Variants in FOXL3 observed in about 807,000 individuals in gnomAD.
FOXL3 encodes forkhead box protein L3.
In FOXL3, 16 loss-of-function variants were observed where a neutral mutation model predicts 10.9. The ratio of observed to expected loss-of-function variants is 1.46; its 90% confidence interval spans 0.99 to 2.22. FOXL3 has a LOEUF of 2.22. FOXL3 is among the 30% of genes most tolerant of loss of function. The probability of loss-of-function intolerance (pLI) is 0.00; values close to 1 mark genes in which losing one functional copy is unlikely to be tolerated. For missense variants in FOXL3, 400 were observed against 337.9 expected (o/e 1.18, Z -1.44); for synonymous variants, 170 against 152.0 (o/e 1.12, Z -0.87).
Position 290,700 on chromosome 7 carries a change from G to A in FOXL3, c.155G>A (p.Arg52Lys). ...AMAIQQSPAG[R>K]VTLSGIYDFI... The stretch of plus-strand genomic sequence containing the variant: ...GCCATTCAGCAGAGCCCCGCGGGGA[G>A]GGTGACCCTGTCCGGCATCTACGAC... The change falls in exon 2 of 3, where the codon AGG (arginine) becomes AAG (lysine). Residue 52 changes from arginine (R) to lysine (K), a missense_variant. Physicochemically the swap from Arg to Lys is conservative, Grantham distance 26. Coordinates refer to ENST00000506382, the MANE Select transcript of FOXL3 (RefSeq NM_001374838.1). 6.8e-7 allele frequency: 1 copy of A among 1,467,264 alleles called. No homozygotes were observed. The highest frequency in any genetic ancestry group is 9.0e-7 in the Non-Finnish European group (1 of 1,115,852). The allele number at this position is 1,467,264 out of a possible 1,614,324, so 90.9% of individuals were successfully genotyped here. A position where few individuals can be genotyped will look rare whatever the true frequency, so the allele number is the denominator to read the frequency against.
rs1244858981 is a variant in FOXL3, at chr7:291,097, G to A, written c.311G>A (p.Gly104Asp). 7.0e-7 allele frequency: 1 copy of A among 1,422,464 alleles called. No homozygotes were observed. The highest frequency in any genetic ancestry group is 1.5e-5 in the African/African-American group (1 of 66,514). 88.1% of individuals were successfully genotyped at this position (1,422,464 alleles called of 1,614,324 possible). The change falls in exon 3 of 3, where the codon GGC (glycine) becomes GAC (aspartate). Residue 104 changes from glycine to aspartate, a missense_variant. Transcript: ENST00000506382. ...PRSEGHEKGK[G>D]NYWTFAGGCE... is the part of the protein sequence containing the mutation. ...TCCGAGGGCCACGAGAAGGGCAAAG[G>A]CAACTACTGGACGTTCGCGGGCGGC...
chr7:290,690 C>G lies in FOXL3; in HGVS notation c.145C>G (p.Pro49Ala). The G allele has an allele frequency of 6.9e-7, 1 of 1,448,648 alleles. No individual in the cohort carries two copies. Among genetic ancestry groups the G allele is most frequent in the Non-Finnish European group, 9.0e-7 (1 of 1,106,348 alleles). 89.7% of individuals were successfully genotyped at this position (1,448,648 alleles called of 1,614,324 possible). A position where few individuals can be genotyped will look rare whatever the true frequency, so the allele number is the denominator to read the frequency against. The change falls in exon 2 of 3, where the codon CCC (proline) becomes GCC (alanine). Residue 49 changes from proline (P) to alanine (A), a missense_variant. Transcript: ENST00000506382. ...ALIAMAIQQS[P>A]AGRVTLSGIY... is the part of the protein sequence containing the mutation. ...GATCGCCATGGCCATTCAGCAGAGCCCCGCGGGGAGGGTGACCCTGTCCGG... is the reference window on the plus strand; with the variant it reads ...GATCGCCATGGCCATTCAGCAGAGCGCCGCGGGGAGGGTGACCCTGTCCGG...
rs1357306688 is a variant in FOXL3 at position 290,971 on chromosome 7, C to G, written c.277-92C>G. On this transcript the variant is annotated intron_variant, in intron 2 of 2. Transcript: ENST00000506382. ...CGCCTCCACCTGCGCAGTGCGCCAC[C>G]CTCGCCCCGGTCCAGGGCGCCCCGA... 4.7e-6 allele frequency: 6 copies of G among 1,281,428 alleles called. No homozygotes were observed. In the East Asian group the frequency reaches 1.6e-4, roughly 34 times the overall value. 79.4% of individuals were successfully genotyped at this position (1,281,428 alleles called of 1,614,324 possible). A position where few individuals can be genotyped will look rare whatever the true frequency, so the allele number is the denominator to read the frequency against.
chr7:290,827 C>T lies in FOXL3; in HGVS notation c.276+6C>T. On this transcript the variant is annotated splice_donor_region_variant and intron_variant, in intron 2 of 2. Transcript: ENST00000506382. ...TCAACAGCTGCTTCGTCAAGGTGAG[C>T]GCCGCCCCCGACGGGCCCCGGGTGT... 5 of 1,432,042 alleles carry T rather than the reference C, an allele frequency of 3.5e-6. No individual in the cohort carries two copies. Among genetic ancestry groups the T allele is most frequent in the East Asian group, 2.8e-5 (1 of 35,300 alleles). 88.7% of individuals were successfully genotyped at this position (1,432,042 alleles called of 1,614,324 possible).
intron 2 of FOXL3, 101 bp downstream of exon 2, chr7:290,922 A>G: frequency 3.1e-6 from 4 of 1,290,430 alleles, no homozygotes; most frequent in Non-Finnish European, 3.9e-6. Flanking sequence ...GGCTTCAGGG[A>G]GGTCCGTCCT....
intron 2 of FOXL3, 102 bp downstream of exon 2, chr7:290,923 G>T: frequency 7.7e-7 from 1 of 1,299,098 alleles, no homozygotes; most frequent in Non-Finnish European, 9.8e-7. Context: ...GCTTCAGGGA[G>T]GTCCGTCCTC....
At position 290,280 on chromosome 7, in the gene FOXL3, A is replaced by T; in HGVS notation, c.107+4A>T. The T allele has an allele frequency of 6.5e-7, 1 of 1,534,548 alleles. No individual in the cohort carries two copies. The highest frequency in any genetic ancestry group is 8.7e-7 in the Non-Finnish European group (1 of 1,145,618). Reference sequence around the variant, plus strand: ...GGCTCACGCGGCCCGCGTACAGGTGACTGCGGGGGCGGTGCTGGGGCTTTG... The same window carrying T: ...GGCTCACGCGGCCCGCGTACAGGTGTCTGCGGGGGCGGTGCTGGGGCTTTG... On this transcript the variant is annotated splice_donor_region_variant and intron_variant, in intron 1 of 2. Coordinates refer to ENST00000506382, the MANE Select transcript of FOXL3 (RefSeq NM_001374838.1).
In FOXL3 at chr7:291,423, T is replaced by G; in HGVS notation, c.637T>G (p.Cys213Gly). ...CCCCTTCCCTGGGCTCAAGCCGCCC[T>G]GCCTCGCACAAGAGGGCAGATACCC... Reference protein sequence around the residue: ...PDPFPGLKPPCLAQEGRYPRL... With the variant: ...PDPFPGLKPPGLAQEGRYPRL... Residue 213 changes from cysteine (C) to glycine (G), a missense_variant, in exon 3 of 3, where the codon TGC becomes GGC. Physicochemically the swap from Cys to Gly is radical, Grantham distance 159. Transcript: ENST00000506382. 7.9e-7 allele frequency: 1 copy of G among 1,258,082 alleles called. No individual in the cohort carries two copies. The highest frequency in any genetic ancestry group is 1.0e-6 in the Non-Finnish European group (1 of 1,000,732). The allele number at this position is 1,258,082 out of a possible 1,614,324, so 77.9% of individuals were successfully genotyped here.
At position 290,768 on chromosome 7, in the gene FOXL3, G is replaced by T. The variant is rs949314457; in HGVS notation, c.223G>T (p.Ala75Ser). 5 of 1,491,984 alleles carry T rather than the reference G, an allele frequency of 3.4e-6. No homozygotes were observed. Among genetic ancestry groups the T allele is most frequent in the East Asian group, 2.7e-5 (1 of 37,502 alleles). 92.4% of individuals were successfully genotyped at this position (1,491,984 alleles called of 1,614,324 possible). ...KFPYYRANQRAWQNSIRHNLS... is the reference protein window; with the variant it reads ...KFPYYRANQRSWQNSIRHNLS... Reference sequence around the variant, plus strand: ...CCCCTATTACCGCGCCAACCAGCGCGCCTGGCAGAACTCCATCCGCCACAA... The same window carrying T: ...CCCCTATTACCGCGCCAACCAGCGCTCCTGGCAGAACTCCATCCGCCACAA... The change falls in exon 2 of 3, where the codon GCC becomes TCC. Residue 75 changes from alanine (A) to serine (S), a missense_variant. Ala to Ser is a moderately conservative substitution (Grantham distance 99, BLOSUM62 1). Coordinates refer to ENST00000506382, the MANE Select transcript of FOXL3 (RefSeq NM_001374838.1).
At position 291,278 on chromosome 7, in the gene FOXL3, C is replaced by T. The variant is rs1471345445; in HGVS notation, c.492C>T (p.Ala164=). 3 of 1,214,646 alleles carry T rather than the reference C, an allele frequency of 2.5e-6. No homozygotes were observed. Among genetic ancestry groups the T allele is most frequent in the Middle Eastern group, 2.3e-4 (1 of 4,396 alleles). The allele number at this position is 1,214,646 out of a possible 1,614,324, so 75.2% of individuals were successfully genotyped here. A position where few individuals can be genotyped will look rare whatever the true frequency, so the allele number is the denominator to read the frequency against. Residue 164 remains alanine (A), a synonymous_variant, in exon 3 of 3, where the codon GCC becomes GCT. Coordinates refer to ENST00000506382, the MANE Select transcript of FOXL3 (RefSeq NM_001374838.1). ...CGCCCGCCGCTCAGGGGCGCCTGGC[C>T]CCGGACAGCGCTGGCGAGGGCGCCC... ...SEPPAAQGRL[A]PDSAGEGAPG...
At position 290,203 on chromosome 7, in the gene FOXL3, T is replaced by G; in HGVS notation, c.34T>G (p.Phe12Val). ...FDSSQYPYNC[F>V]NYDADDYPAG... Reference sequence around the variant, plus strand: ...CAGCTCGCAGTATCCCTACAACTGCTTCAATTACGACGCCGACGACTACCC... The same window carrying G: ...CAGCTCGCAGTATCCCTACAACTGCGTCAATTACGACGCCGACGACTACCC... Residue 12 changes from phenylalanine to valine, a missense_variant, in exon 1 of 3, where the codon TTC (phenylalanine) becomes GTC (valine). Transcript: ENST00000506382. The G allele has an allele frequency of 6.5e-7, 1 of 1,535,918 alleles. No individual in the cohort carries two copies. Among genetic ancestry groups the G allele is most frequent in the Non-Finnish European group, 8.7e-7 (1 of 1,146,760 alleles).
chr7:290,466 G>A (rs1471997793), intron 1 of FOXL3, among the ~76,000 whole-genome samples, 187 bp from the exon 2 acceptor site: 1 of 152,180 alleles, frequency 6.6e-6, no homozygotes. Flanking sequence ...GCCTCGCGGG[G>A]AGGGGCCTCC....
At position 290,722 on chromosome 7, in the gene FOXL3, C is replaced by A. The variant is rs765574448; in HGVS notation, c.177C>A (p.Tyr59Ter). 4 of 1,482,090 alleles carry A rather than the reference C, an allele frequency of 2.7e-6. No homozygotes were observed. The highest frequency in any genetic ancestry group is 2.9e-5 in the African/African-American group (2 of 70,106). The allele number at this position is 1,482,090 out of a possible 1,614,324, so 91.8% of individuals were successfully genotyped here. The change falls in exon 2 of 3, where the codon TAC becomes TAA. Residue 59 changes from tyrosine (Y) to a stop codon, truncating the protein, a stop_gained. Transcript: ENST00000506382. LOFTEE classifies it high-confidence loss of function. ...GGAGGGTGACCCTGTCCGGCATCTACGACTTCATCATGCGCAAATTCCCCT... is the reference window on the plus strand; with the variant it reads ...GGAGGGTGACCCTGTCCGGCATCTAAGACTTCATCATGCGCAAATTCCCCT... The part of the protein sequence containing the change: ...PAGRVTLSGI[Y>*]DFIMRKFPYY...
In FOXL3 at chr7:291,200, G is replaced by C. The variant is rs1449484425; in HGVS notation, c.414G>C (p.Gly138=). The C allele has an allele frequency of 2.7e-5, 32 of 1,187,580 alleles. No individual in the cohort carries two copies. Among genetic ancestry groups the C allele is most frequent in the Non-Finnish European group, 3.2e-5 (31 of 961,214 alleles). 73.6% of individuals were successfully genotyped at this position (1,187,580 alleles called of 1,614,324 possible). Residue 138 remains glycine, a synonymous_variant, in exon 3 of 3, where the codon GGG becomes GGC. Transcript: ENST00000506382. ...GGCGGCGCGGCCCCAAGCGCGAGGG[G>C]CCGAGGGGTCCGCGCGCGGGGGGCG... ...RRRRRGPKRE[G]PRGPRAGGAQ... is the part of the protein sequence containing the mutation.
Position 291,347 on chromosome 7 carries a change from G to A in FOXL3, c.561G>A (p.Glu187=), listed in dbSNP as rs1672274418. ...CCAGCCCCGCTCCCCCGGGGAAGGA[G>A]CACCCCCGGGACCTCAAGTTCAGCA... ...PPASPAPPGK[E]HPRDLKFSID... is the part of the protein sequence containing the mutation. Residue 187 remains glutamate (E), a synonymous_variant, in exon 3 of 3, where the codon GAG becomes GAA. Transcript: ENST00000506382. The A allele has an allele frequency of 1.5e-6, 2 of 1,290,562 alleles. No individual in the cohort carries two copies. Among genetic ancestry groups the A allele is most frequent in the South Asian group, 2.6e-5 (1 of 38,886 alleles). The allele number at this position is 1,290,562 out of a possible 1,614,324, so 79.9% of individuals were successfully genotyped here.
At position 291,473 on chromosome 7, in the gene FOXL3, C is replaced by G; in HGVS notation, c.687C>G (p.His229Gln). 4.9e-6 allele frequency: 6 copies of G among 1,235,748 alleles called. No individual in the cohort carries two copies. The highest frequency in any genetic ancestry group is 4.2e-5 in the Admixed American group (1 of 23,720). 76.5% of individuals were successfully genotyped at this position (1,235,748 alleles called of 1,614,324 possible). Residue 229 changes from histidine (H) to glutamine (Q), a missense_variant, in exon 3 of 3, where the codon CAC (histidine) becomes CAG (glutamine). His to Gln is a conservative substitution (Grantham distance 24). Coordinates refer to ENST00000506382, the MANE Select transcript of FOXL3 (RefSeq NM_001374838.1). ...RYPRLENVGL[H>Q]FWTM The stretch of plus-strand genomic sequence containing the variant: ...CGCGGCTGGAGAACGTGGGACTCCA[C>G]TTTTGGACAATGTGATGTGGAGCCA...
chr7:290,249 A>G lies in FOXL3; in HGVS notation c.80A>G (p.Asp27Gly), dbSNP rs1778610435. ...DDYPAGSSDEDKRLTRPAYSY... is the reference protein window; with the variant it reads ...DDYPAGSSDEGKRLTRPAYSY... ...TACCCCGCCGGCAGCTCCGACGAAGACAAGAGGCTCACGCGGCCCGCGTAC... is the reference window on the plus strand; with the variant it reads ...TACCCCGCCGGCAGCTCCGACGAAGGCAAGAGGCTCACGCGGCCCGCGTAC... The change falls in exon 1 of 3, where the codon GAC (aspartate) becomes GGC (glycine). Residue 27 changes from aspartate (D) to glycine (G), a missense_variant. Asp to Gly is a moderately conservative substitution (Grantham distance 94, BLOSUM62 -1). Transcript: ENST00000506382. The G allele has an allele frequency of 6.5e-7, 1 of 1,535,930 alleles. No homozygotes were observed. The highest frequency in any genetic ancestry group is 2.4e-5 in the East Asian group (1 of 40,898).
At chr7:290,513 CCGGGGACCGCGAGCTG>C in intron 1 of FOXL3, 124 bp from the exon 2 acceptor site, 1 of 951,278 alleles carries the variant, frequency 1.1e-6, no homozygotes, top group Non-Finnish European at 1.5e-6. Flanking sequence ...CTGGGTGGCG[CCGGGGACCGCGAGCTG>C]CGGGGACACT....
rs369415822 is a variant in FOXL3, at chr7:290,668, C to T, written c.123C>T (p.Ile41=). ...GGCTCCGCAGCTACATCGCCTTGAT[C>T]GCCATGGCCATTCAGCAGAGCCCCG... ...TRPAYSYIAL[I]AMAIQQSPAG... The change falls in exon 2 of 3, where the codon ATC becomes ATT. Residue 41 remains isoleucine (I), a synonymous_variant. Coordinates refer to ENST00000506382, the MANE Select transcript of FOXL3 (RefSeq NM_001374838.1). 2 of 1,419,872 alleles carry T rather than the reference C, an allele frequency of 1.4e-6. No individual in the cohort carries two copies. The highest frequency in any genetic ancestry group is 9.2e-7 in the Non-Finnish European group (1 of 1,090,972). 88.0% of individuals were successfully genotyped at this position (1,419,872 alleles called of 1,614,324 possible).
Sources: gnomAD v4.1 joint callset for allele counts (sites outside exome capture counted in the v4.1 genomes callset) on GRCh38, gnomAD v4.1.1 for gene constraint, MANE v1.5 for transcripts, NCBI Gene and HGNC (gene_info 2026-07-23, HGNC 2026-07-21) for gene names.